Variants in ATP8B4 observed in about 807,000 individuals in gnomAD.
ATP8B4 encodes the protein probable phospholipid-transporting ATPase IM.
A neutral mutation model predicts 145.6 loss-of-function variants in ATP8B4; 133 were observed. The observed-to-expected ratio is 0.91, with a 90% CI of 0.79 to 1.05. ATP8B4 has a LOEUF of 1.05. Ranked by LOEUF, ATP8B4 falls within the 50% of genes least tolerant of loss-of-function variation. The pLI is 0.00. For missense variants in ATP8B4, 1,458 were observed against 1,425.2 expected, an observed-to-expected ratio of 1.02 and a Z score of -0.37; for synonymous variants, 507 against 492.9, an observed-to-expected ratio of 1.03 and a Z score of -0.38.
chr15:49,932,308 T>C (rs1192470772), intron 15 of ATP8B4, among the ~76,000 whole-genome samples: 1 of 151,964 alleles, frequency 6.6e-6, no homozygotes, highest in East Asian at 1.9e-4. Flanking sequence ...CACTAGATGT[T>C]ACCAGTGGTT....
At chr15:50,073,063 A>T (rs2053955692) in intron 3 of ATP8B4, among the ~76,000 whole-genome samples, 1 of 136,768 alleles carries the variant, frequency 7.3e-6, no homozygotes, top group African/African-American at 2.8e-5. Flanking sequence ...CTATACATAT[A>T]CGCATATATA....
chr15:50,176,061 G>T (rs1316468958), intron 1 of ATP8B4, among the ~76,000 whole-genome samples: 1 of 150,356 alleles, frequency 6.7e-6, no homozygotes, highest in Admixed American at 6.6e-5. Flanking sequence ...ATATACCGCA[G>T]AGTATATATA....
chr15:50,147,305 A>G (rs561297566), intron 1 of ATP8B4, among the ~76,000 whole-genome samples: 1 of 151,778 alleles, frequency 6.6e-6, no homozygotes, highest in East Asian at 1.9e-4. Flanking sequence ...AATCCCAGCT[A>G]CTCAGGAGGC....
intron 1 of ATP8B4, among the ~76,000 whole-genome samples, chr15:50,178,214 G>T (rs1022898896): frequency 1.3e-5 from 2 of 152,158 alleles, no homozygotes; most frequent in African/African-American, 4.8e-5. Context: ...CCGAAATCTT[G>T]ATAGAGGAAA....
At chr15:50,047,494 G>A in intron 3 of ATP8B4, 30 bp from the exon 4 acceptor site, 1 of 1,341,070 alleles carries the variant, frequency 7.5e-7, no homozygotes, top group Non-Finnish European at 1.1e-6. Context: ...ATGTTAGTTT[G>A]GGGCAAGGCA....
intron 8 of ATP8B4, among the ~76,000 whole-genome samples, chr15:49,999,018 T>C (rs1164125923): frequency 1.3e-5 from 2 of 152,160 alleles, no homozygotes; most frequent in Admixed American, 1.3e-4. Flanking sequence ...ATTGCTTGTT[T>C]TTCTCAGGTT....
At position 50,130,958 on chromosome 15, in the gene ATP8B4, G is replaced by A. The variant is rs576410169; in HGVS notation, c.-42-23950C>T. On this transcript the variant is annotated intron_variant, in intron 1 of 3. Coordinates refer to the ATP8B4 transcript ENST00000558829. Reference sequence around the variant, plus strand: ...GTAATTGACTCACAGTTTCAGCATGGCTGGGGAGTTCTCAGGAAACTTACA... The same window carrying A: ...GTAATTGACTCACAGTTTCAGCATGACTGGGGAGTTCTCAGGAAACTTACA... Among the ~76,000 whole-genome samples, 52 of 152,260 alleles carry A rather than the reference G, an allele frequency of 3.4e-4. No individual in the cohort carries two copies. The Middle Eastern group carries it at 0.017, about 50-fold the overall frequency.
In ATP8B4 at chr15:49,866,307, G is replaced by C. The variant is rs770321200; in HGVS notation, c.3166+39C>G. On this transcript the variant is annotated intron_variant, in intron 26 of 27. Transcript: ENST00000284509. ...TAAATTATAAGACAAGTAAACAGCA[G>C]CAGACACTAGGTTCCACTAGTCAAC... 54 of 1,599,452 alleles carry C rather than the reference G, an allele frequency of 3.4e-5. No individual in the cohort carries two copies. The African/African-American group carries it at 6.6e-4, about 20-fold the overall frequency.
At chr15:50,056,673 T>C (rs1043459114) in intron 3 of ATP8B4, among the ~76,000 whole-genome samples, 11 of 150,450 alleles carry the variant, frequency 7.3e-5, no homozygotes, top group Non-Finnish European at 1.3e-4. Flanking sequence ...ATTTAATTAC[T>C]ATACACAATA....
At position 49,862,905 on chromosome 15, in the gene ATP8B4, A is replaced by C. The variant is rs546477899; in HGVS notation, c.3167-530T>G. On this transcript the variant is annotated intron_variant, in intron 26 of 27. Transcript: ENST00000284509. ...GCCAAGCATTCTCTCACCCAGGCTCAGTCTAATATCACTCACGGAGCACAA... is the reference window on the plus strand; with the variant it reads ...GCCAAGCATTCTCTCACCCAGGCTCCGTCTAATATCACTCACGGAGCACAA... Among the ~76,000 whole-genome samples the C allele has an allele frequency of 8.5e-5, 13 of 152,328 alleles. No homozygotes were observed. In the South Asian group the frequency reaches 2.7e-3, roughly 32 times the overall value.
intron 10 of ATP8B4, among the ~76,000 whole-genome samples, chr15:49,986,286 G>A (rs2046590787): frequency 1.3e-5 from 2 of 152,158 alleles, no homozygotes; most frequent in South Asian, 2.1e-4. Context: ...AAGCAAATCA[G>A]GAGGGTATTT....
chr15:49,956,786 A>G (rs530564076), intron 14 of ATP8B4, among the ~76,000 whole-genome samples: 1 of 152,146 alleles, frequency 6.6e-6, no homozygotes, highest in Non-Finnish European at 1.5e-5. Flanking sequence ...GCCTCAAACA[A>G]TCCTCCCACC....
At position 50,011,895 on chromosome 15, in the gene ATP8B4, T is replaced by TAA. The variant is rs111715695; in HGVS notation, c.363-980_363-979dup. Among the ~76,000 whole-genome samples, 171 of 151,920 alleles carry TAA rather than the reference T, an allele frequency of 1.1e-3. 2 individuals carry two copies. The East Asian group carries it at 0.028, about 25-fold the overall frequency. On this transcript the variant is annotated intron_variant, in intron 6 of 27. Coordinates refer to ENST00000284509, the MANE Select transcript of ATP8B4 (RefSeq NM_024837.4). Reference sequence around the variant, plus strand: ...TGGACAGGTTAATTTCATTGTACTTTAAAAAAAATAACCTAATTTACTTGT... The same window carrying TAA: ...TGGACAGGTTAATTTCATTGTACTTTAAAAAAAAAATAACCTAATTTACTTGT...
intron 14 of ATP8B4, among the ~76,000 whole-genome samples, chr15:49,951,153 C>A (rs182459530): frequency 6.6e-6 from 1 of 152,278 alleles, no homozygotes; most frequent in East Asian, 1.9e-4. Context: ...CCATGTGGCA[C>A]TAAGAAGAAT....
chr15:49,901,527 G>A (rs2038031374), intron 20 of ATP8B4, among the ~76,000 whole-genome samples: 1 of 152,092 alleles, frequency 6.6e-6, no homozygotes, highest in Admixed American at 6.6e-5. Flanking sequence ...TTTGAACTAG[G>A]GGATCTTGAT....
intron 12 of ATP8B4, among the ~76,000 whole-genome samples, chr15:49,976,050 A>G (rs890318555): frequency 6.6e-6 from 1 of 152,184 alleles, no homozygotes; most frequent in African/African-American, 2.4e-5. Context: ...TTCTAAAAGT[A>G]CATGACATAC....
chr15:49,946,753 T>C (rs767617143), intron 14 of ATP8B4, among the ~76,000 whole-genome samples: 2 of 152,180 alleles, frequency 1.3e-5, no homozygotes, highest in African/African-American at 4.8e-5. Context: ...TGGTGGTGTA[T>C]TGAATTTACA....
chr15:49,979,644 G>C lies in ATP8B4; in HGVS notation c.1007C>G (p.Thr336Arg). ...CACATATAAGGAAATGGGTACAACT[G>C]TATTGAGAATAATAATATATGACCA... ...TFWSYIIILN[T>R]VVPISLYVSV... The change falls in exon 12 of 28, where the codon ACA (threonine) becomes AGA (arginine). Residue 336 changes from threonine (T) to arginine (R), a missense_variant. By Grantham distance (71) the Thr-to-Arg change is moderately conservative. Coordinates refer to ENST00000284509, the MANE Select transcript of ATP8B4 (RefSeq NM_024837.4). 6.3e-7 allele frequency: 1 copy of C among 1,582,094 alleles called. No homozygotes were observed. The highest frequency in any genetic ancestry group is 1.4e-5 in the African/African-American group (1 of 74,006).
At chr15:50,116,488 T>C (rs2057163610) in intron 1 of ATP8B4, among the ~76,000 whole-genome samples, 1 of 152,118 alleles carries the variant, frequency 6.6e-6, no homozygotes, top group Non-Finnish European at 1.5e-5. Context: ...CTCTTGATCA[T>C]TGAAAACATC....
Sources: allele counts gnomAD v4.1 joint callset (sites outside exome capture counted in the v4.1 genomes callset), GRCh38; gene constraint gnomAD v4.1.1; transcripts MANE v1.5; gene names NCBI Gene and HGNC (gene_info 2026-07-23, HGNC 2026-07-21).